Variants in GALNT13 observed in about 807,000 individuals in gnomAD.
GALNT13 encodes the protein UDP-GalNAc:polypeptide N-acetylgalactosaminyltransferase 13.
In GALNT13, 28 loss-of-function variants were observed where a neutral mutation model predicts 64.2. The ratio of observed to expected loss-of-function variants is 0.44; its 90% CI spans 0.32 to 0.60. GALNT13 has a LOEUF of 0.60. Among genes scored for constraint, GALNT13 ranks in the 20% least tolerant of loss-of-function variants. The probability of loss-of-function intolerance (pLI) is 0.05; values close to 1 mark genes in which losing one functional copy is unlikely to be tolerated. For synonymous variants in GALNT13, 214 were observed against 224.6 expected, an observed-to-expected ratio of 0.95 and a Z score of 0.42; for missense variants, 577 against 669.8, an observed-to-expected ratio of 0.86 and a Z score of 1.53.
the GALNT13 span, among the ~76,000 whole-genome samples, chr2:153,160,872 G>A: frequency 6.6e-6 from 1 of 152,060 alleles, no homozygotes; most frequent in East Asian, 1.9e-4. Context: ...TCACCTCCAG[G>A]GTCTTCCATC....
chr2:153,139,993 C>G, the GALNT13 span, among the ~76,000 whole-genome samples: 1 of 151,988 alleles, frequency 6.6e-6, no homozygotes, highest in African/African-American at 2.4e-5. Flanking sequence ...CCTCCACTTA[C>G]AAACTTCTTT....
chr2:153,870,248 CA>C (rs1297279377), upstream of GALNT13, among the ~76,000 whole-genome samples: 6 of 152,082 alleles, frequency 3.9e-5, 1 homozygote, highest in Admixed American at 3.3e-4. Context: ...TCCAATTACC[CA>C]AATAAATTTT....
intron 3 of GALNT13, among the ~76,000 whole-genome samples, chr2:154,058,196 G>A (rs901405442): frequency 3.3e-5 from 5 of 152,242 alleles, no homozygotes; most frequent in Admixed American, 6.5e-5. Flanking sequence ...TCAACCATGT[G>A]AGGACATAAG....
the GALNT13 span, among the ~76,000 whole-genome samples, chr2:153,163,721 TAA>T: frequency 6.6e-6 from 1 of 152,164 alleles, no homozygotes. Flanking sequence ...TAAGGACAAT[TAA>T]AATGTGGTCA....
the GALNT13 span, among the ~76,000 whole-genome samples, chr2:153,630,795 ATATATATATATATTTTTTTT>A: frequency 1.4e-4 from 2 of 13,970 alleles, no homozygotes; most frequent in Admixed American, 7.5e-4. Context: ...ATATATATAT[ATATATATATATATTTTTTTT>A]TTTTTTTTTA....
chr2:153,251,470 T>A, the GALNT13 span, among the ~76,000 whole-genome samples: 93 of 152,254 alleles, frequency 6.1e-4, no homozygotes, highest in East Asian at 1.4e-3. Flanking sequence ...TCTTTTTTTT[T>A]AAATTTATTA....
chr2:153,173,964 AG>A, the GALNT13 span, among the ~76,000 whole-genome samples: 6 of 152,258 alleles, frequency 3.9e-5, no homozygotes, highest in African/African-American at 1.2e-4. Flanking sequence ...AGAAATTGAA[AG>A]AAAAAAGGGT....
intron 3 of GALNT13, among the ~76,000 whole-genome samples, chr2:153,952,703 A>G (rs953653411): frequency 1.3e-5 from 2 of 152,162 alleles, no homozygotes; most frequent in South Asian, 2.1e-4. Flanking sequence ...GACTGACACA[A>G]TCACAAGATG....
chr2:154,203,515 T>C (rs1046117405), intron 4 of GALNT13, among the ~76,000 whole-genome samples: 5 of 152,140 alleles, frequency 3.3e-5, no homozygotes, highest in Admixed American at 6.6e-5. Flanking sequence ...TTTTTCACTA[T>C]AAAACCTCCT....
At chr2:153,242,925 T>G in the GALNT13 span, among the ~76,000 whole-genome samples, 2 of 152,240 alleles carry the variant, frequency 1.3e-5, no homozygotes, top group African/African-American at 4.8e-5. Flanking sequence ...TGTTCTGTTT[T>G]GCATTGCATT....
chr2:153,070,030 TACTC>T, the GALNT13 span, among the ~76,000 whole-genome samples: 9 of 152,238 alleles, frequency 5.9e-5, no homozygotes, highest in African/African-American at 9.6e-5. Flanking sequence ...TAAACTCACT[TACTC>T]ACTCAGAATT....
chr2:154,378,073 C>T (rs546600488), intron 9 of GALNT13, among the ~76,000 whole-genome samples: 4 of 152,192 alleles, frequency 2.6e-5, no homozygotes, highest in South Asian at 2.1e-4. Flanking sequence ...ACCTCATATA[C>T]GCTGCTCAGA....
At chr2:153,909,995 C>G (rs3963284) in intron 2 of GALNT13, among the ~76,000 whole-genome samples, 108,198 of 151,848 alleles carry the variant, frequency 0.71, 38,831 homozygotes, top group East Asian at 0.9. Context: ...AATAATTGCA[C>G]TAGGAATGGT....
chr2:153,125,836 A>G, the GALNT13 span, among the ~76,000 whole-genome samples: 1 of 152,168 alleles, frequency 6.6e-6, no homozygotes, highest in Non-Finnish European at 1.5e-5. Context: ...GTTTAAGTAC[A>G]TTTACATAGA....
chr2:153,703,428 C>T, the GALNT13 span, among the ~76,000 whole-genome samples: 212 of 152,010 alleles, frequency 1.4e-3, 1 homozygote, highest in African/African-American at 4.2e-3. Flanking sequence ...ATATAAACTT[C>T]GCTTATGTAA....
the GALNT13 span, among the ~76,000 whole-genome samples, chr2:153,177,179 G>T: frequency 6.6e-6 from 1 of 152,090 alleles, no homozygotes. Flanking sequence ...AGCAAAAAGA[G>T]CAAGAAGTAG....
the GALNT13 span, among the ~76,000 whole-genome samples, chr2:153,855,955 A>G: frequency 6.6e-6 from 1 of 152,184 alleles, no homozygotes; most frequent in Non-Finnish European, 1.5e-5. Flanking sequence ...CATTATATTA[A>G]AGAAATCTCA....
At chr2:154,127,742 A>G (rs1453245966) in intron 3 of GALNT13, among the ~76,000 whole-genome samples, 1 of 149,842 alleles carries the variant, frequency 6.7e-6, no homozygotes, top group Non-Finnish European at 1.5e-5. Flanking sequence ...ATATGTGTAT[A>G]TGTGCATATA....
chr2:153,409,296 A>ATG, the GALNT13 span, among the ~76,000 whole-genome samples: 1,008 of 147,764 alleles, frequency 6.8e-3, 12 homozygotes, highest in African/African-American at 0.023. Flanking sequence ...ATGAATATGT[A>ATG]TGTATATATA....
Sources: gnomAD v4.1 joint callset for allele counts (sites outside exome capture counted in the v4.1 genomes callset) on GRCh38, gnomAD v4.1.1 for gene constraint, MANE v1.5 for transcripts, NCBI Gene and HGNC (gene_info 2026-07-23, HGNC 2026-07-21) for gene names.